Variants in USP53 observed in about 807,000 individuals in gnomAD.
USP53 encodes ubiquitin specific peptidase 53.
USP53 carries 71 observed loss-of-function variants against 94.9 expected under a neutral mutation model. That is an observed-to-expected ratio of 0.75 (90% CI 0.62 to 0.91). The LOEUF (loss-of-function observed/expected upper bound fraction) is 0.91, where lower values mean the gene tolerates loss of function less well. Ranked by LOEUF, USP53 falls within the 40% of genes least tolerant of loss-of-function variation. The pLI is 0.00. For missense variants in USP53, 1,173 were observed against 1,281.0 expected, an observed-to-expected ratio of 0.92 and a Z score of 1.29; for synonymous variants, 375 against 422.7, an observed-to-expected ratio of 0.89 and a Z score of 1.39.
chr4:119,251,080 G>A (rs1578476523), intron 7 of USP53, among the ~76,000 whole-genome samples: 1 of 132,282 alleles, frequency 7.6e-6, no homozygotes, highest in East Asian at 2.3e-4. Context: ...ACAGGCCTCA[G>A]TGTGTGATAT....
intron 3 of USP53, among the ~76,000 whole-genome samples, chr4:119,222,366 C>T (rs185049630): frequency 6.6e-6 from 1 of 152,266 alleles, no homozygotes; most frequent in Non-Finnish European, 1.5e-5. Context: ...ACTGTTTAGT[C>T]ACTGTGTTGT....
intron 3 of USP53, among the ~76,000 whole-genome samples, chr4:119,223,298 A>C (rs1355483970): frequency 2.0e-5 from 3 of 152,126 alleles, no homozygotes; most frequent in African/African-American, 7.2e-5. Flanking sequence ...TTATTTTGTA[A>C]AGTAGGAGGA....
intron 15 of USP53, among the ~76,000 whole-genome samples, chr4:119,270,052 T>TCTA (rs1751654825): frequency 1.4e-5 from 2 of 147,252 alleles, no homozygotes; most frequent in Admixed American, 6.8e-5. Flanking sequence ...TATATATAAT[T>TCTA]TATATAGTTT....
chr4:119,232,694 A>G, intron 3 of USP53, among the ~76,000 whole-genome samples: 1 of 152,162 alleles, frequency 6.6e-6, no homozygotes, highest in Admixed American at 6.5e-5. Flanking sequence ...TCTTTTCAAT[A>G]GTATGTTATT....
intron 17 of USP53, among the ~76,000 whole-genome samples, chr4:119,287,804 G>A (rs1016101893): frequency 1.3e-5 from 2 of 152,174 alleles, no homozygotes; most frequent in Non-Finnish European, 2.9e-5. Flanking sequence ...AGGAGATTTA[G>A]TATAATGTCT....
intron 3 of USP53, among the ~76,000 whole-genome samples, chr4:119,223,624 C>A (rs961273935): frequency 3.3e-5 from 5 of 152,206 alleles, no homozygotes; most frequent in African/African-American, 1.2e-4. Context: ...TGTTTGTGAT[C>A]TTCCTGATGT....
At chr4:119,242,579 C>T (rs149433287) in intron 5 of USP53, among the ~76,000 whole-genome samples, 1 of 152,166 alleles carries the variant, frequency 6.6e-6, no homozygotes, top group East Asian at 1.9e-4. Context: ...GGAGGAGGAT[C>T]CTCTACTGAT....
chr4:119,227,300 A>ACAC (rs1442892298), intron 3 of USP53, among the ~76,000 whole-genome samples: 12 of 43,904 alleles, frequency 2.7e-4, no homozygotes, highest in African/African-American at 8.5e-4. Context: ...CACACACACA[A>ACAC]ACTTGAAATG....
chr4:119,224,188 C>CG (rs1744943759), intron 3 of USP53, among the ~76,000 whole-genome samples: 3 of 151,826 alleles, frequency 2.0e-5, no homozygotes, highest in South Asian at 4.2e-4. Context: ...TTAGTAGAGA[C>CG]GGGGTTTCAC....
intron 2 of USP53, among the ~76,000 whole-genome samples, chr4:119,217,276 A>G (rs562759541): frequency 6.6e-6 from 1 of 152,100 alleles, no homozygotes; most frequent in African/African-American, 2.4e-5. Context: ...GCCCCTCCCC[A>G]TACTTAGGTG....
Position 119,239,504 on chromosome 4 carries a change from TA to T in USP53, c.-253del, listed in dbSNP as rs1422747746. The T allele has an allele frequency of 4.5e-6, 2 of 441,364 alleles. No individual in the cohort carries two copies. Among genetic ancestry groups the T allele is most frequent in the Non-Finnish European group, 7.9e-6 (2 of 253,050 alleles). 27.3% of individuals were successfully genotyped at this position (441,364 alleles called of 1,614,324 possible). A position where few individuals can be genotyped will look rare whatever the true frequency, so the allele number is the denominator to read the frequency against. ...CAGCTCCCATAAAATTTAACACATA[TA>T]AACATCTTTAACGCCTTGTTTAAAA... On this transcript the variant is annotated 5_prime_UTR_variant, in exon 5 of 19. Coordinates refer to ENST00000692078, the MANE Select transcript of USP53 (RefSeq NM_001371395.1).
chr4:119,243,720 A>G (rs1419370560), intron 5 of USP53, among the ~76,000 whole-genome samples: 2 of 152,178 alleles, frequency 1.3e-5, no homozygotes, highest in Non-Finnish European at 1.5e-5. Context: ...TTACATTTGG[A>G]AGACTTCACT....
At chr4:119,283,934 G>T (rs528850494) in intron 17 of USP53, among the ~76,000 whole-genome samples, 10 of 151,836 alleles carry the variant, frequency 6.6e-5, no homozygotes, top group African/African-American at 2.4e-4. Context: ...ATTGGAGATC[G>T]AAGGGCAAGA....
chr4:119,216,391 A>G (rs1743761511), intron 2 of USP53, among the ~76,000 whole-genome samples: 1 of 152,118 alleles, frequency 6.6e-6, no homozygotes, highest in South Asian at 2.1e-4. Flanking sequence ...AAAAAAAAAA[A>G]AAATCATTAA....
chr4:119,253,100 A>C (rs1000296787), intron 7 of USP53, among the ~76,000 whole-genome samples: 2 of 151,896 alleles, frequency 1.3e-5, no homozygotes, highest in African/African-American at 4.8e-5. Flanking sequence ...TCTGAGAGGC[A>C]GTTATTTCTG....
intron 3 of USP53, among the ~76,000 whole-genome samples, chr4:119,224,785 A>G (rs1359483058): frequency 6.6e-6 from 1 of 152,238 alleles, no homozygotes; most frequent in Non-Finnish European, 1.5e-5. Flanking sequence ...AATAAAATTG[A>G]AAACAGTATA....
At chr4:119,268,449 A>T (rs574675831) in intron 14 of USP53, 29 bp downstream of exon 14, 1 of 1,583,846 alleles carries the variant, frequency 6.3e-7, no homozygotes, top group Admixed American at 1.8e-5. Flanking sequence ...ATTTTTACAT[A>T]GTTCCAAGTG....
chr4:119,252,587 A>G (rs1356489927), intron 7 of USP53, among the ~76,000 whole-genome samples: 2 of 152,000 alleles, frequency 1.3e-5, no homozygotes, highest in Non-Finnish European at 2.9e-5. Flanking sequence ...ATATCCCTTT[A>G]TGATTTTTTA....
intron 3 of USP53, among the ~76,000 whole-genome samples, chr4:119,227,358 G>C (rs1236542251): frequency 6.7e-6 from 1 of 149,986 alleles, no homozygotes; most frequent in Admixed American, 6.7e-5. Context: ...CCTCTACAGG[G>C]CCGGGCGCTG....
Sources: allele counts gnomAD v4.1 joint callset (sites outside exome capture counted in the v4.1 genomes callset), GRCh38; gene constraint gnomAD v4.1.1; transcripts MANE v1.5; gene names NCBI Gene and HGNC (gene_info 2026-07-23, HGNC 2026-07-21).